Variants in RAPGEF1 observed in about 807,000 individuals in gnomAD.
The protein encoded by RAPGEF1 is CRK SH3-binding GNRP.
Under a neutral mutation model 143.3 loss-of-function variants are expected in RAPGEF1, and 33 were observed. The observed-to-expected ratio is 0.23, with a 90% CI of 0.17 to 0.31. The LOEUF is 0.31. Ranked by LOEUF, RAPGEF1 falls within the 10% of genes least tolerant of loss-of-function variation. The pLI, the probability that RAPGEF1 is intolerant of heterozygous loss-of-function variation, is 1.00. For missense variants in RAPGEF1, 1,199 were observed against 1,645.4 expected (o/e 0.73, Z 4.69); for synonymous variants, 629 against 676.5 (o/e 0.93, Z 1.09).
rs137908233 is a variant in RAPGEF1 at position 131,613,422 on chromosome 9, G to A, written c.2061+5629C>T. ...GGCCCTGGTTCTGCAGGGATGTGGC[G>A]ACACTATAGTCTAGCTGCAGGGTTG... is the stretch of plus-strand genomic sequence containing the variant. On this transcript the variant is annotated intron_variant, in intron 12 of 26. Transcript: ENST00000683357. Among the ~76,000 whole-genome samples the A allele has an allele frequency of 3.3e-3, 495 of 152,292 alleles. 2 individuals carry two copies. The highest frequency in any genetic ancestry group is 7.5e-3 in the Admixed American group (114 of 15,298).
intron 12 of RAPGEF1, among the ~76,000 whole-genome samples, chr9:131,609,648 G>C (rs901110275): frequency 6.6e-6 from 1 of 152,314 alleles, no homozygotes; most frequent in South Asian, 2.1e-4. Context: ...ACACACCCCT[G>C]AAAGCCACTG....
At chr9:131,579,763 A>T in intron 26 of RAPGEF1, 116 bp from the exon 27 acceptor site, 2 of 1,125,812 alleles carry the variant, frequency 1.8e-6, no homozygotes, top group Non-Finnish European at 2.5e-6. Flanking sequence ...CAGCAAACGG[A>T]TGCTGCAGGG....
intron 1 of RAPGEF1, chr9:131,709,990 T>C: frequency 1.0e-6 from 1 of 969,758 alleles, no homozygotes; most frequent in Non-Finnish European, 1.2e-6. Flanking sequence ...TGACACTTTA[T>C]TACTCATCAG....
intron 1 of RAPGEF1, among the ~76,000 whole-genome samples, chr9:131,662,539 T>C (rs1376807296): frequency 6.6e-6 from 1 of 150,874 alleles, no homozygotes; most frequent in African/African-American, 2.4e-5. Flanking sequence ...GGCTAATTTT[T>C]TGTTTTATTT....
At chr9:131,630,135 C>T in intron 6 of RAPGEF1, 101 bp downstream of exon 6, 3 of 1,055,202 alleles carry the variant, frequency 2.8e-6, no homozygotes, top group Non-Finnish European at 4.3e-6. Context: ...CCTCCAGCAG[C>T]CCACCCTCAT....
chr9:131,580,585 C>T (rs923065754), intron 25 of RAPGEF1, among the ~76,000 whole-genome samples, 194 bp from the exon 26 acceptor site: 2 of 152,184 alleles, frequency 1.3e-5, no homozygotes, highest in Non-Finnish European at 2.9e-5. Flanking sequence ...CCACAAGCAC[C>T]TGCTGGGGAC....
In RAPGEF1 at chr9:131,579,399, G is replaced by C; in HGVS notation, c.*98C>G. On this transcript the variant is annotated 3_prime_UTR_variant, in exon 27 of 27. Coordinates refer to ENST00000683357, the MANE Select transcript of RAPGEF1 (RefSeq NM_001377935.1). ...GGCCAGCCTCATGGCTCCGAGGCCG[G>C]GACTCCTGCCATGCGCCTAACAGGT... is the stretch of plus-strand genomic sequence containing the variant. 6.8e-7 allele frequency: 1 copy of C among 1,480,492 alleles called. No homozygotes were observed. Among genetic ancestry groups the C allele is most frequent in the Non-Finnish European group, 9.1e-7 (1 of 1,098,580 alleles). 91.7% of individuals were successfully genotyped at this position (1,480,492 alleles called of 1,614,324 possible).
At chr9:131,665,930 A>C (rs978702516) in intron 1 of RAPGEF1, among the ~76,000 whole-genome samples, 2 of 152,222 alleles carry the variant, frequency 1.3e-5, no homozygotes, top group African/African-American at 4.8e-5. Context: ...GGTTCTACTT[A>C]CTAGTCCTTT....
intron 1 of RAPGEF1, among the ~76,000 whole-genome samples, chr9:131,695,711 A>C (rs1299468073): frequency 6.6e-6 from 1 of 152,206 alleles, no homozygotes; most frequent in African/African-American, 2.4e-5. Context: ...CCATCTGCTG[A>C]ATGGTAAATG....
At chr9:131,719,023 A>G (rs537641032) in intron 1 of RAPGEF1, among the ~76,000 whole-genome samples, 16 of 152,262 alleles carry the variant, frequency 1.1e-4, no homozygotes, top group African/African-American at 3.4e-4. Context: ...TGTGTGAGAC[A>G]GGGTCTCACC....
intron 4 of RAPGEF1, 30 bp from the exon 5 acceptor site, chr9:131,638,821 A>G: frequency 6.2e-7 from 1 of 1,603,608 alleles, no homozygotes; most frequent in South Asian, 1.1e-5. Flanking sequence ...GGAAAAAAAG[A>G]AAATCTAAAG....
Position 131,588,783 on chromosome 9 carries a change from G to C in RAPGEF1, c.3053+18C>G. Reference sequence around the variant, plus strand: ...GGCTCCTGGGGAAGAGGCAGGGCTGGAGAGGTGGGCTTCTCACCTGGCTGC... The same window carrying C: ...GGCTCCTGGGGAAGAGGCAGGGCTGCAGAGGTGGGCTTCTCACCTGGCTGC... On this transcript the variant is annotated intron_variant, in intron 20 of 26. Coordinates refer to ENST00000683357, the MANE Select transcript of RAPGEF1 (RefSeq NM_001377935.1). 1 of 1,603,114 alleles carries C rather than the reference G, an allele frequency of 6.2e-7. No homozygotes were observed.
chr9:131,611,978 G>T (rs1009006452), intron 12 of RAPGEF1, among the ~76,000 whole-genome samples: 19 of 152,176 alleles, frequency 1.2e-4, no homozygotes, highest in Admixed American at 1.2e-3. Flanking sequence ...AAATGGCTCA[G>T]CTTCTCTCTC....
chr9:131,699,140 C>T (rs1243727203), intron 1 of RAPGEF1, among the ~76,000 whole-genome samples: 1 of 152,184 alleles, frequency 6.6e-6, no homozygotes, highest in Non-Finnish European at 1.5e-5. Context: ...TGTGTCTTCA[C>T]TCCCGCTTTC....
In RAPGEF1 at chr9:131,628,729, C is replaced by G; in HGVS notation, c.894-57G>C. ...AACCACACTCACCAAAGCTCTTCAG[C>G]GTGATATTGGGGTACAGGATGTGGG... On this transcript the variant is annotated intron_variant, in intron 7 of 26. Coordinates refer to ENST00000683357, the MANE Select transcript of RAPGEF1 (RefSeq NM_001377935.1). This position sits in a 1 kb window ranked among gnomAD's most constrained non-coding sequence, Gnocchi z 5.7. The G allele has an allele frequency of 6.5e-7, 1 of 1,533,920 alleles. No homozygotes were observed. The highest frequency in any genetic ancestry group is 8.8e-7 in the Non-Finnish European group (1 of 1,135,414).
chr9:131,600,327 T>C (rs1956061711), intron 15 of RAPGEF1, among the ~76,000 whole-genome samples: 1 of 152,206 alleles, frequency 6.6e-6, no homozygotes, highest in Non-Finnish European at 1.5e-5. Context: ...CTGAAGACGA[T>C]ACTTTGGGGT....
chr9:131,720,025 A>G (rs1456326012), intron 1 of RAPGEF1, among the ~76,000 whole-genome samples: 2 of 152,026 alleles, frequency 1.3e-5, no homozygotes, highest in Non-Finnish European at 2.9e-5. Flanking sequence ...AGCTGGGACT[A>G]CAGGCATGGG....
chr9:131,687,968 G>C (rs1256222295), intron 1 of RAPGEF1, among the ~76,000 whole-genome samples: 1 of 152,192 alleles, frequency 6.6e-6, no homozygotes, highest in African/African-American at 2.4e-5. Context: ...CAATTCTTCT[G>C]TAAATCATGT....
chr9:131,625,557 C>T (rs1962743931), intron 10 of RAPGEF1, among the ~76,000 whole-genome samples: 1 of 152,142 alleles, frequency 6.6e-6, no homozygotes, highest in Non-Finnish European at 1.5e-5. Context: ...CACGTATCCA[C>T]CTCGCTCTAC....
Sources: gnomAD v4.1 joint callset for allele counts (sites outside exome capture counted in the v4.1 genomes callset) on GRCh38, gnomAD v4.1.1 for gene constraint, Gnocchi (gnomAD v3.1) non-coding constraint, MANE v1.5 for transcripts, NCBI Gene and HGNC (gene_info 2026-07-23, HGNC 2026-07-21) for gene names.